The following MALSU1 variants were observed in gnomAD, a reference collection of about 807,000 sequenced individuals.
MALSU1 encodes the protein mitochondrial assembly of ribosomal large subunit 1.
Under a neutral mutation model 22.1 loss-of-function variants are expected in MALSU1, and 22 were observed. The ratio of observed to expected loss-of-function variants is 1.00; its 90% CI spans 0.71 to 1.42. MALSU1 has a LOEUF of 1.42. Ranked by LOEUF, MALSU1 falls within the 40% of genes most tolerant of loss-of-function variation. MALSU1 has a pLI of 0.00. For synonymous variants in MALSU1, 153 were observed against 118.5 expected, an observed-to-expected ratio of 1.29 and a Z score of -1.89; for missense variants, 379 against 308.3, an observed-to-expected ratio of 1.23 and a Z score of -1.72.
chr7:23,301,945 G>C (rs1483524689), intron 2 of MALSU1, among the ~76,000 whole-genome samples: 1 of 150,780 alleles, frequency 6.6e-6, no homozygotes. Context: ...CTCCAGCCTG[G>C]TGACAGAGCC....
chr7:23,300,661 C>T (rs1783629963), intron 1 of MALSU1, among the ~76,000 whole-genome samples, 178 bp from the exon 2 acceptor site: 1 of 152,060 alleles, frequency 6.6e-6, no homozygotes, highest in Admixed American at 6.5e-5. Flanking sequence ...AAAAGTTGAG[C>T]GGTGCTATGA....
At chr7:23,306,173 A>G (rs1783719672) in intron 2 of MALSU1, among the ~76,000 whole-genome samples, 1 of 152,186 alleles carries the variant, frequency 6.6e-6, no homozygotes, top group Non-Finnish European at 1.5e-5. Context: ...CAGCCTGGGC[A>G]ACAAGAGCGA....
chr7:23,302,514 G>A (rs895953194), intron 2 of MALSU1, among the ~76,000 whole-genome samples: 12 of 152,168 alleles, frequency 7.9e-5, no homozygotes, highest in African/African-American at 2.9e-4. Context: ...TGGAGAGATA[G>A]GGAGAGAACT....
rs1400523665 is a variant in MALSU1, at chr7:23,311,722, T to G, written c.*2179T>G. 2.8e-5 allele frequency: 4 copies of G among 141,810 alleles called. No individual in the cohort carries two copies. Among genetic ancestry groups the G allele is most frequent in the African/African-American group, 9.7e-5 (4 of 41,092 alleles). The allele number at this position is 141,810 out of a possible 1,614,324, so 8.8% of individuals were successfully genotyped here. A position where few individuals can be genotyped will look rare whatever the true frequency, so the allele number is the denominator to read the frequency against. On this transcript the variant is annotated 3_prime_UTR_variant, in exon 4 of 4. Coordinates refer to ENST00000466681, the MANE Select transcript of MALSU1 (RefSeq NM_138446.2). ...TTATTTTTTAAAAAACGGTTGGACT[T>G]CTATCATTATAAAGTATATAAAATT...
Position 23,309,391 on chromosome 7 carries a change from A to G in MALSU1, c.553A>G (p.Arg185Gly), listed in dbSNP as rs1291555155. The change falls in exon 4 of 4, where the codon AGA becomes GGA. Residue 185 changes from arginine (R) to glycine (G), a missense_variant. Arg to Gly is a moderately radical substitution (Grantham distance 125, BLOSUM62 -2). Coordinates refer to ENST00000466681, the MANE Select transcript of MALSU1 (RefSeq NM_138446.2). ...GATTCATTTGATGCTTCCAGAAACC[A>G]GAGAAATCTATGAATTAGAGAAATT... ...MVIHLMLPETREIYELEKLWT... is the reference protein window; with the variant it reads ...MVIHLMLPETGEIYELEKLWT... 4.3e-6 allele frequency: 7 copies of G among 1,612,622 alleles called. No individual in the cohort carries two copies. The highest frequency in any genetic ancestry group is 3.3e-5 in the Admixed American group (2 of 59,756).
At chr7:23,301,967 CAA>C (rs754165826) in intron 2 of MALSU1, among the ~76,000 whole-genome samples, 20 of 97,768 alleles carry the variant, frequency 2.0e-4, no homozygotes, top group African/African-American at 1.4e-4. Flanking sequence ...GACTCTGTCT[CAA>C]AAAAAAAAAA....
intron 2 of MALSU1, among the ~76,000 whole-genome samples, chr7:23,306,264 C>T (rs166664): frequency 0.11 from 17,464 of 151,884 alleles, 2,147 homozygotes; most frequent in African/African-American, 0.31. Flanking sequence ...AACTTTGTTT[C>T]CAGGTTGCTC....
Position 23,309,811 on chromosome 7 carries a change from C to T in MALSU1, c.*268C>T, listed in dbSNP as rs531999391. 2.9e-4 allele frequency: 70 copies of T among 237,820 alleles called. No homozygotes were observed. The highest frequency in any genetic ancestry group is 1.5e-3 in the African/African-American group (67 of 44,840). The allele number at this position is 237,820 out of a possible 1,614,324, so 14.7% of individuals were successfully genotyped here. A position where few individuals can be genotyped will look rare whatever the true frequency, so the allele number is the denominator to read the frequency against. On this transcript the variant is annotated 3_prime_UTR_variant, in exon 4 of 4. Transcript: ENST00000466681. ...AATTTCCTGGAGTTAGCACTGGCTC[C>T]TGTGCTTGACTTCTCTGCTCAGATT...
At chr7:23,301,131 G>A (rs1396884047) in intron 2 of MALSU1, 114 bp downstream of exon 2, 10 of 974,138 alleles carry the variant, frequency 1.0e-5, no homozygotes, top group Non-Finnish European at 1.5e-5. Context: ...TACAGAAGAA[G>A]CCCAAATTTT....
chr7:23,311,645 A>G lies in MALSU1; in HGVS notation c.*2102A>G, dbSNP rs556262891. ...TTTTCCAGCTTTACTGTCACCAGCC[A>G]GAAGTAAAAATCTTAATTTGCCTGT... is the stretch of plus-strand genomic sequence containing the variant. On this transcript the variant is annotated 3_prime_UTR_variant, in exon 4 of 4. Coordinates refer to ENST00000466681, the MANE Select transcript of MALSU1 (RefSeq NM_138446.2). 4 of 152,536 alleles carry G rather than the reference A, an allele frequency of 2.6e-5. No individual in the cohort carries two copies. Among genetic ancestry groups the G allele is most frequent in the Non-Finnish European group, 4.4e-5 (3 of 68,042 alleles). The allele number at this position is 152,536 out of a possible 1,614,324, so 9.4% of individuals were successfully genotyped here.
At chr7:23,304,393 T>C (rs1783696807) in intron 2 of MALSU1, among the ~76,000 whole-genome samples, 1 of 152,248 alleles carries the variant, frequency 6.6e-6, no homozygotes, top group Admixed American at 6.5e-5. Flanking sequence ...TGACGTGATA[T>C]CTCATTGTGG....
chr7:23,303,090 A>C (rs1008590118), intron 2 of MALSU1, among the ~76,000 whole-genome samples: 8 of 152,198 alleles, frequency 5.3e-5, no homozygotes, highest in Admixed American at 4.6e-4. Context: ...TGTGTTGTTC[A>C]GTAGCTTTAA....
intron 2 of MALSU1, 89 bp downstream of exon 2, chr7:23,301,106 C>T (rs1482846222): frequency 1.6e-6 from 2 of 1,228,462 alleles, no homozygotes; most frequent in East Asian, 2.4e-5. Flanking sequence ...AGAGGGTAAA[C>T]CCATCATACA....
chr7:23,299,613 G>C lies in MALSU1; in HGVS notation c.256+5G>C. ...GCCCAGAATCGGACGCGGCAGGTAC[G>C]GGCGTGGAGAAGAACGAAGGCGACC... On this transcript the variant is annotated splice_donor_5th_base_variant and intron_variant, in intron 1 of 3. Transcript: ENST00000466681. 6.4e-7 allele frequency: 1 copy of C among 1,569,386 alleles called. No individual in the cohort carries two copies.
In MALSU1 at chr7:23,309,559, G is replaced by A; in HGVS notation, c.*16G>A. ...ATGTGAATAAAATATTTTATGCACT[G>A]CGTTAGTCATTTCAGATTTGGATTG... On this transcript the variant is annotated 3_prime_UTR_variant, in exon 4 of 4. Coordinates refer to ENST00000466681, the MANE Select transcript of MALSU1 (RefSeq NM_138446.2). 2 of 1,562,668 alleles carry A rather than the reference G, an allele frequency of 1.3e-6. No homozygotes were observed. The highest frequency in any genetic ancestry group is 1.7e-6 in the Non-Finnish European group (2 of 1,155,812).
In MALSU1 at chr7:23,311,646, G is replaced by C. The variant is rs1562661455; in HGVS notation, c.*2103G>C. On this transcript the variant is annotated 3_prime_UTR_variant, in exon 4 of 4. Transcript: ENST00000466681. Reference sequence around the variant, plus strand: ...TTTCCAGCTTTACTGTCACCAGCCAGAAGTAAAAATCTTAATTTGCCTGTT... The same window carrying C: ...TTTCCAGCTTTACTGTCACCAGCCACAAGTAAAAATCTTAATTTGCCTGTT... The C allele has an allele frequency of 6.6e-6, 1 of 152,424 alleles. No homozygotes were observed. Among genetic ancestry groups the C allele is most frequent in the East Asian group, 1.9e-4 (1 of 5,202 alleles). 9.4% of individuals were successfully genotyped at this position (152,424 alleles called of 1,614,324 possible).
chr7:23,300,808 C>G (rs1412793048), intron 1 of MALSU1, 31 bp from the exon 2 acceptor site: 1 of 1,595,462 alleles, frequency 6.3e-7, no homozygotes, highest in Non-Finnish European at 8.6e-7. Context: ...GCTTGGCCAT[C>G]CTGATACAAA....
At chr7:23,308,895 A>AAG (rs1554306938) in intron 3 of MALSU1, among the ~76,000 whole-genome samples, 3 of 152,078 alleles carry the variant, frequency 2.0e-5, no homozygotes, top group Admixed American at 1.3e-4. Context: ...AATGACTCTA[A>AAG]ACATTACCAT....
rs1783795281 is a variant in MALSU1 at position 23,310,380 on chromosome 7, A to C, written c.*837A>C. On this transcript the variant is annotated 3_prime_UTR_variant, in exon 4 of 4. Coordinates refer to ENST00000466681, the MANE Select transcript of MALSU1 (RefSeq NM_138446.2). ...CTCCAAATTACAAATGCTTAAGTAA[A>C]AGTAAAATATGATTTGCCATACTAA... is the stretch of plus-strand genomic sequence containing the variant. 6.6e-6 allele frequency: 1 copy of C among 150,936 alleles called. No homozygotes were observed. The highest frequency in any genetic ancestry group is 2.4e-5 in the African/African-American group (1 of 41,314). 9.3% of individuals were successfully genotyped at this position (150,936 alleles called of 1,614,324 possible).
Sources: allele counts gnomAD v4.1 joint callset (sites outside exome capture counted in the v4.1 genomes callset), GRCh38; gene constraint gnomAD v4.1.1; transcripts MANE v1.5; gene names NCBI Gene and HGNC (gene_info 2026-07-23, HGNC 2026-07-21).